The following GTF2H5 variants were observed in gnomAD, a reference collection of about 807,000 sequenced individuals.
The protein encoded by GTF2H5 is TFB5 ortholog.
Under a neutral mutation model 7.1 loss-of-function variants are expected in GTF2H5, and 5 were observed. That is an observed-to-expected ratio of 0.71 (90% CI 0.37 to 1.49). GTF2H5 has a LOEUF of 1.49. Among genes scored for constraint, GTF2H5 ranks in the 40% most tolerant of loss-of-function variants. The pLI, the probability that GTF2H5 is intolerant of heterozygous loss-of-function variation, is 0.03. For synonymous variants in GTF2H5, 30 were observed against 31.7 expected, an observed-to-expected ratio of 0.95 and a Z score of 0.18; for missense variants, 80 against 83.0, an observed-to-expected ratio of 0.96 and a Z score of 0.14.
intron 2 of GTF2H5, among the ~76,000 whole-genome samples, chr6:158,184,874 C>T (rs1776886702): frequency 6.6e-6 from 1 of 152,146 alleles, no homozygotes; most frequent in Non-Finnish European, 1.5e-5. Flanking sequence ...ATGCTATAAT[C>T]CTTTTCAGAG....
intron 2 of GTF2H5, among the ~76,000 whole-genome samples, chr6:158,176,929 G>A (rs1162335067): frequency 2.0e-5 from 3 of 152,370 alleles, no homozygotes; most frequent in African/African-American, 2.4e-5. Context: ...GATCACTCAC[G>A]CTATTGTTTG....
chr6:158,169,821 A>AT (rs1785822536), intron 1 of GTF2H5, among the ~76,000 whole-genome samples: 1 of 68,448 alleles, frequency 1.5e-5, no homozygotes, highest in African/African-American at 7.0e-5. Flanking sequence ...TATTATATAT[A>AT]AAAGTGTGTA....
At chr6:158,179,691 G>T (rs934926546) in intron 2 of GTF2H5, among the ~76,000 whole-genome samples, 8 of 152,146 alleles carry the variant, frequency 5.3e-5, no homozygotes, top group African/African-American at 1.9e-4. Context: ...CATTGATTTT[G>T]TATCCTGAAA....
At chr6:158,171,957 A>G (rs1289212225) in intron 2 of GTF2H5, among the ~76,000 whole-genome samples, 1 of 152,186 alleles carries the variant, frequency 6.6e-6, no homozygotes, top group African/African-American at 2.4e-5. Context: ...TTATTTTCCT[A>G]TTAATTTGAC....
In GTF2H5 at chr6:158,188,079, T is replaced by C. The variant is rs889094668; in HGVS notation, c.36-3898T>C. 9.9e-5 allele frequency among the ~76,000 whole-genome samples: 15 copies of C among 152,234 alleles called. 1 individual carries two copies. Among genetic ancestry groups the C allele is most frequent in the Non-Finnish European group, 2.2e-4 (15 of 68,040 alleles). On this transcript the variant is annotated intron_variant, in intron 2 of 2. Transcript: ENST00000607778. ...TTATTTTTGGTTTACAATCCCATTG[T>C]GTAAAGTGTATACTAAGAAACCTCT...
intron 1 of GTF2H5, among the ~76,000 whole-genome samples, chr6:158,169,536 T>C (rs1338896809): frequency 3.5e-5 from 3 of 86,934 alleles, no homozygotes; most frequent in African/African-American, 4.7e-5. Context: ...TACAGTATAT[T>C]ATATATAATA....
At chr6:158,169,669 A>G (rs1261334329) in intron 1 of GTF2H5, among the ~76,000 whole-genome samples, 2 of 73,186 alleles carry the variant, frequency 2.7e-5, no homozygotes, top group Non-Finnish European at 4.5e-5. Context: ...AATATATTGT[A>G]TATTATATAA....
intron 2 of GTF2H5, among the ~76,000 whole-genome samples, chr6:158,176,212 A>G (rs903830043): frequency 6.6e-6 from 1 of 152,142 alleles, no homozygotes; most frequent in Non-Finnish European, 1.5e-5. Context: ...TTATAAAACT[A>G]AGTATAATAT....
chr6:158,196,363 C>T lies in GTF2H5; in HGVS notation c.*4206C>T, dbSNP rs1777113582. The stretch of plus-strand genomic sequence containing the variant: ...AGTGTCAGATCTCTGCTTACTAGCT[C>T]TGGGATCTCAGATGTTTCGTTGATT... On this transcript the variant is annotated 3_prime_UTR_variant, in exon 3 of 3. Coordinates refer to ENST00000607778, the MANE Select transcript of GTF2H5 (RefSeq NM_207118.3). The T allele has an allele frequency of 6.6e-6, 1 of 152,002 alleles. No individual in the cohort carries two copies. Among genetic ancestry groups the T allele is most frequent in the Admixed American group, 6.6e-5 (1 of 15,262 alleles). 9.4% of individuals were successfully genotyped at this position (152,002 alleles called of 1,614,324 possible). A position where few individuals can be genotyped will look rare whatever the true frequency, so the allele number is the denominator to read the frequency against.
Position 158,183,709 on chromosome 6 carries a change from A to T in GTF2H5, c.36-8268A>T, listed in dbSNP as rs369544176. 2.6e-5 allele frequency among the ~76,000 whole-genome samples: 4 copies of T among 152,354 alleles called. No homozygotes were observed. The South Asian group carries it at 8.3e-4, about 32-fold the overall frequency. ...CCGTGGGCGTGGGACCCACCGAGCC[A>T]GGCACAGGAGGGGATCTCCTGGTCC... On this transcript the variant is annotated intron_variant, in intron 2 of 2. Transcript: ENST00000607778.
chr6:158,169,425 A>ATATGTATATTATATATTATATATAATATG (rs1231681450), intron 1 of GTF2H5, among the ~76,000 whole-genome samples: 11 of 72,846 alleles, frequency 1.5e-4, no homozygotes, highest in Admixed American at 1.1e-3. Context: ...ATTATATATA[A>ATATGTATATTATATATTATATATAATATG]TATATTGTAT....
rs1448255083 is a variant in GTF2H5, at chr6:158,169,745, T to A, written c.-34-725T>A. Among the ~76,000 whole-genome samples the A allele has an allele frequency of 8.7e-4, 47 of 54,024 alleles. 3 individuals are homozygous for A. The highest frequency in any genetic ancestry group is 4.3e-3 in the African/African-American group (41 of 9,568). 35.4% of individuals were successfully genotyped at this position (54,024 alleles called of 152,430 possible). On this transcript the variant is annotated intron_variant, in intron 1 of 2. Transcript: ENST00000607778. ...TATATAATATATTGTATATTATATA[T>A]TATATAATATATTGTATATTATATA...
At chr6:158,190,977 A>G in intron 2 of GTF2H5, 2 of 501,328 alleles carry the variant, frequency 4.0e-6, no homozygotes, top group South Asian at 1.5e-5. Flanking sequence ...TGACTATCCT[A>G]TTCTTTCCAA....
Position 158,193,566 on chromosome 6 carries a change from C to T in GTF2H5, c.*1409C>T, listed in dbSNP as rs1371164845. On this transcript the variant is annotated 3_prime_UTR_variant, in exon 3 of 3. Transcript: ENST00000607778. ...CAGCATTACTGAATCTGGAAATTTT[C>T]AGTTAGGTATATTTTACATAATTCC... 6.6e-6 allele frequency: 1 copy of T among 152,194 alleles called. No individual in the cohort carries two copies. The highest frequency in any genetic ancestry group is 6.5e-5 in the Admixed American group (1 of 15,278). 9.4% of individuals were successfully genotyped at this position (152,194 alleles called of 1,614,324 possible).
chr6:158,176,591 G>A (rs1785937122), intron 2 of GTF2H5, among the ~76,000 whole-genome samples: 1 of 152,112 alleles, frequency 6.6e-6, no homozygotes, highest in South Asian at 2.1e-4. Flanking sequence ...ATAGGTTAAT[G>A]GTTTTGTAAT....
In GTF2H5 at chr6:158,170,520, A is replaced by C; in HGVS notation, c.17A>C (p.Lys6Thr). 6.2e-7 allele frequency: 1 copy of C among 1,609,844 alleles called. No homozygotes were observed. Among genetic ancestry groups the C allele is most frequent in the East Asian group, 2.2e-5 (1 of 44,844 alleles). MVNVL[K>T]GVLIECDPAM... ...TGAGAAAACATGGTCAACGTCTTGA[A>C]AGGAGTGCTTATAGAATGGTTAGTA... The change falls in exon 2 of 3, where the codon AAA becomes ACA. Residue 6 changes from lysine to threonine, a missense_variant. Lys to Thr is a moderately conservative substitution (Grantham distance 78). Transcript: ENST00000607778.
At chr6:158,170,673 A>T in intron 2 of GTF2H5, 135 bp downstream of exon 2, 1 of 713,886 alleles carries the variant, frequency 1.4e-6, no homozygotes, top group Non-Finnish European at 2.5e-6. Context: ...AGTGGCACAG[A>T]TTTTGTTGCA....
rs541862568 is a variant in GTF2H5, at chr6:158,171,755, G to A, written c.35+1217G>A. Reference sequence around the variant, plus strand: ...ATAGAGAACTGGATTGGTAGCTGACGAAGGACATGGTGAGGGGCTCAGGTT... The same window carrying A: ...ATAGAGAACTGGATTGGTAGCTGACAAAGGACATGGTGAGGGGCTCAGGTT... On this transcript the variant is annotated intron_variant, in intron 2 of 2. Coordinates refer to ENST00000607778, the MANE Select transcript of GTF2H5 (RefSeq NM_207118.3). Among the ~76,000 whole-genome samples, 6 of 152,284 alleles carry A rather than the reference G, an allele frequency of 3.9e-5. No individual in the cohort carries two copies. In the South Asian group the frequency reaches 6.2e-4, roughly 16 times the overall value.
At chr6:158,169,445 ATT>A (rs1195252006) in intron 1 of GTF2H5, among the ~76,000 whole-genome samples, 2 of 68,590 alleles carry the variant, frequency 2.9e-5, no homozygotes, top group African/African-American at 1.3e-4. Flanking sequence ...TATTATATAT[ATT>A]ATATATTATA....
Sources: allele counts gnomAD v4.1 joint callset (sites outside exome capture counted in the v4.1 genomes callset), GRCh38; gene constraint gnomAD v4.1.1; transcripts MANE v1.5; gene names NCBI Gene and HGNC (gene_info 2026-07-23, HGNC 2026-07-21).